UNC5C: variants seen among roughly 807,000 people sequenced by gnomAD.
The protein encoded by UNC5C is unc-5 netrin receptor C, also known as netrin receptor UNC5C.
A neutral mutation model predicts 99.8 loss-of-function variants in UNC5C; 47 were observed. The ratio of observed to expected loss-of-function variants is 0.47; its 90% CI spans 0.37 to 0.60. UNC5C has a LOEUF of 0.60. UNC5C is among the 20% of genes least tolerant of loss of function. The pLI is 0.00. For synonymous variants in UNC5C, 487 were observed against 452.2 expected (o/e 1.08, Z -0.98); for missense variants, 1,062 against 1,165.9 (o/e 0.91, Z 1.30).
chr4:95,272,994 C>T (rs1323483049), intron 4 of UNC5C, among the ~76,000 whole-genome samples: 1 of 152,214 alleles, frequency 6.6e-6, no homozygotes. Flanking sequence ...CCTGATGCTG[C>T]ACATTTGGCG....
At chr4:95,521,112 T>G (rs1467140809) in intron 1 of UNC5C, among the ~76,000 whole-genome samples, 1 of 152,100 alleles carries the variant, frequency 6.6e-6, no homozygotes, top group Admixed American at 6.5e-5. Flanking sequence ...CATGATTAGA[T>G]TCTTGGTGAG....
At chr4:95,423,142 A>G (rs1418129877) in intron 1 of UNC5C, among the ~76,000 whole-genome samples, 1 of 152,190 alleles carries the variant, frequency 6.6e-6, no homozygotes, top group Non-Finnish European at 1.5e-5. Context: ...AACACTTACT[A>G]TATGAGAGGA....
intron 10 of UNC5C, among the ~76,000 whole-genome samples, chr4:95,209,327 G>A (rs1737995095): frequency 1.3e-5 from 2 of 151,670 alleles, no homozygotes; most frequent in South Asian, 4.2e-4. Flanking sequence ...TAGCTCACAA[G>A]TAAGTTTGTA....
intron 5 of UNC5C, 86 bp downstream of exon 5, chr4:95,250,401 T>TA (rs1249380628): frequency 5.6e-6 from 8 of 1,417,706 alleles, no homozygotes; most frequent in East Asian, 4.6e-5. Flanking sequence ...TATGAAATTT[T>TA]AAAAAAAGGG....
At chr4:95,204,949 G>A in intron 11 of UNC5C, among the ~76,000 whole-genome samples, 1 of 152,130 alleles carries the variant, frequency 6.6e-6, no homozygotes, top group Admixed American at 6.6e-5. Flanking sequence ...GCCCCCAGAG[G>A]AAGCCCCTAA....
intron 14 of UNC5C, among the ~76,000 whole-genome samples, chr4:95,182,565 T>C (rs746617199): frequency 2.0e-5 from 3 of 152,086 alleles, no homozygotes; most frequent in Non-Finnish European, 4.4e-5. Flanking sequence ...AAGGGATGCA[T>C]GGGGAGAAGT....
At chr4:95,226,817 G>A (rs1738708907) in intron 7 of UNC5C, among the ~76,000 whole-genome samples, 1 of 152,128 alleles carries the variant, frequency 6.6e-6, no homozygotes. Context: ...ATGGGGTAGG[G>A]ATGGTGTTTT....
intron 1 of UNC5C, among the ~76,000 whole-genome samples, chr4:95,355,612 C>T (rs569304085): frequency 9.3e-5 from 14 of 151,236 alleles, no homozygotes; most frequent in African/African-American, 3.2e-4. Flanking sequence ...CTGCGCCCCA[C>T]CCCCCCAGCA....
chr4:95,187,647 A>G (rs1736888256), intron 12 of UNC5C, among the ~76,000 whole-genome samples: 1 of 152,184 alleles, frequency 6.6e-6, no homozygotes, highest in Admixed American at 6.5e-5. Context: ...TTCTTCAGCA[A>G]TGATTTGAAA....
intron 1 of UNC5C, among the ~76,000 whole-genome samples, chr4:95,506,997 C>A (rs1721940282): frequency 6.6e-6 from 1 of 151,758 alleles, no homozygotes; most frequent in Non-Finnish European, 1.5e-5. Flanking sequence ...CAGAAACACA[C>A]ATATACACTA....
rs990723693 is a variant in UNC5C at position 95,371,672 on chromosome 4, T to A, written c.125-36041A>T. On this transcript the variant is annotated intron_variant, in intron 1 of 15. Transcript: ENST00000453304. ...AGTATTGTTATGTAAATTAAATAAG[T>A]TAACATGTGCAAAGCACTGGAAACA... Among the ~76,000 whole-genome samples, 33 of 152,170 alleles carry A rather than the reference T, an allele frequency of 2.2e-4. 1 individual carries two copies. The highest frequency in any genetic ancestry group is 7.4e-5 in the Non-Finnish European group (5 of 68,026).
intron 1 of UNC5C, among the ~76,000 whole-genome samples, chr4:95,483,024 TA>T (rs1560851076): frequency 1.0e-4 from 14 of 140,458 alleles, no homozygotes; most frequent in Admixed American, 5.8e-4. Context: ...ATAATAATAA[TA>T]ATAATAATAA....
At chr4:95,547,003 A>G (rs1723086951) in intron 1 of UNC5C, among the ~76,000 whole-genome samples, 1 of 150,908 alleles carries the variant, frequency 6.6e-6, no homozygotes, top group African/African-American at 2.4e-5. Flanking sequence ...TTCCACAGGG[A>G]GTCGCGCGGT....
At chr4:95,177,257 C>T (rs1243622529) in intron 14 of UNC5C, among the ~76,000 whole-genome samples, 2 of 152,148 alleles carry the variant, frequency 1.3e-5, no homozygotes, top group African/African-American at 4.8e-5. Context: ...TCGGCTGTCT[C>T]TCTCTTTTTA....
intron 1 of UNC5C, among the ~76,000 whole-genome samples, chr4:95,502,936 ACATTTG>A (rs1190261239): frequency 6.6e-6 from 1 of 152,152 alleles, no homozygotes; most frequent in African/African-American, 2.4e-5. Context: ...GACTAACCTT[ACATTTG>A]CTCTTTGTCC....
chr4:95,380,431 T>A (rs1442045026), intron 1 of UNC5C, among the ~76,000 whole-genome samples: 1 of 147,376 alleles, frequency 6.8e-6, no homozygotes, highest in African/African-American at 2.6e-5. Flanking sequence ...TCATGTCTAA[T>A]ACTTAAGAAA....
intron 7 of UNC5C, among the ~76,000 whole-genome samples, chr4:95,225,338 C>T (rs908313165): frequency 2.6e-5 from 4 of 152,000 alleles, no homozygotes; most frequent in South Asian, 2.1e-4. Flanking sequence ...ATTACAGGCC[C>T]GAGTCACTGC....
intron 1 of UNC5C, among the ~76,000 whole-genome samples, chr4:95,461,772 A>G (rs536030903): frequency 1.1e-4 from 17 of 152,304 alleles, no homozygotes; most frequent in Admixed American, 6.5e-4. Flanking sequence ...CCTGGTAGCA[A>G]GCAGGAAGTC....
At chr4:95,171,484 C>A (rs1435923506) in intron 14 of UNC5C, among the ~76,000 whole-genome samples, 1 of 150,952 alleles carries the variant, frequency 6.6e-6, no homozygotes, top group African/African-American at 2.4e-5. Context: ...TGAGAATATG[C>A]AGTGTTTGGT....
Sources: gnomAD v4.1 joint callset for allele counts (sites outside exome capture counted in the v4.1 genomes callset) on GRCh38, gnomAD v4.1.1 for gene constraint, MANE v1.5 for transcripts, NCBI Gene and HGNC (gene_info 2026-07-23, HGNC 2026-07-21) for gene names.